Variants in SND1 observed in about 807,000 individuals in gnomAD.
SND1 encodes staphylococcal nuclease and tudor domain containing 1, also known as staphylococcal nuclease domain-containing protein 1.
In SND1, 38 loss-of-function variants were observed where a neutral mutation model predicts 121.7. The ratio of observed to expected loss-of-function variants is 0.31; its 90% confidence interval spans 0.24 to 0.41. The LOEUF (loss-of-function observed/expected upper bound fraction) is 0.41, where lower values mean the gene tolerates loss of function less well. Ranked by LOEUF, SND1 falls within the 10% of genes least tolerant of loss-of-function variation. The probability of loss-of-function intolerance (pLI) is 1.00; values close to 1 mark genes in which losing one functional copy is unlikely to be tolerated. For synonymous variants in SND1, 401 were observed against 447.4 expected, an observed-to-expected ratio of 0.90 and a Z score of 1.31; for missense variants, 868 against 1,184.6, an observed-to-expected ratio of 0.73 and a Z score of 3.92.
At chr7:127,717,992 T>C (rs1426146235) in intron 9 of SND1, among the ~76,000 whole-genome samples, 1 of 152,186 alleles carries the variant, frequency 6.6e-6, no homozygotes, top group Admixed American at 6.5e-5. Context: ...TCTGGTTTTC[T>C]TGACTCATGG....
chr7:128,060,385 G>A (rs534970933), intron 16 of SND1, among the ~76,000 whole-genome samples: 3 of 152,334 alleles, frequency 2.0e-5, no homozygotes, highest in East Asian at 3.9e-4. Flanking sequence ...TGAGATTGGT[G>A]ACATGGAAGC....
intron 1 of SND1, among the ~76,000 whole-genome samples, chr7:127,680,945 T>C (rs1226116615): frequency 6.6e-6 from 1 of 152,116 alleles, no homozygotes; most frequent in Non-Finnish European, 1.5e-5. Flanking sequence ...TAAATGTCCA[T>C]GAAATCTTCA....
intron 10 of SND1, among the ~76,000 whole-genome samples, chr7:127,784,282 C>T (rs1296554162): frequency 6.6e-6 from 1 of 152,188 alleles, no homozygotes; most frequent in Admixed American, 6.5e-5. Context: ...TTGCATTCTA[C>T]AGGTTAACGT....
intron 13 of SND1, chr7:127,904,285 C>A (rs1800290499): frequency 6.4e-6 from 1 of 155,080 alleles, no homozygotes; most frequent in Non-Finnish European, 1.4e-5. Context: ...TTGCTCCATT[C>A]AGGGCAACTT....
At chr7:128,025,696 T>C (rs1179795435) in intron 16 of SND1, among the ~76,000 whole-genome samples, 1 of 152,158 alleles carries the variant, frequency 6.6e-6, no homozygotes, top group Non-Finnish European at 1.5e-5. Context: ...AAAGGAAGGT[T>C]ACTGCTGTAA....
chr7:127,985,189 T>C (rs1802358126), intron 15 of SND1, among the ~76,000 whole-genome samples: 1 of 152,236 alleles, frequency 6.6e-6, no homozygotes, highest in Admixed American at 6.5e-5. Flanking sequence ...CTAAAAAGCA[T>C]AGCTGCCCGA....
chr7:127,859,561 G>A (rs1489835066), intron 12 of SND1, among the ~76,000 whole-genome samples: 1 of 152,132 alleles, frequency 6.6e-6, no homozygotes, highest in East Asian at 1.9e-4. Flanking sequence ...GGGGCCTTAG[G>A]TTGTGTTACA....
intron 12 of SND1, among the ~76,000 whole-genome samples, chr7:127,858,929 C>A (rs1192611673): frequency 6.6e-6 from 1 of 152,152 alleles, no homozygotes; most frequent in Non-Finnish European, 1.5e-5. Context: ...GTTTCTTCCT[C>A]TGAACAAAAC....
chr7:127,775,146 G>A (rs1353048818), intron 10 of SND1, among the ~76,000 whole-genome samples: 1 of 152,188 alleles, frequency 6.6e-6, no homozygotes, highest in Non-Finnish European at 1.5e-5. Context: ...GAATACTAGG[G>A]ATTGTCAACA....
At chr7:128,025,147 C>G (rs1165686078) in intron 16 of SND1, among the ~76,000 whole-genome samples, 1 of 152,204 alleles carries the variant, frequency 6.6e-6, no homozygotes, top group African/African-American at 2.4e-5. Context: ...CCCCTGTAGT[C>G]AGGCCTTAGA....
rs1049366953 is a variant in SND1, at chr7:127,916,661, G to T, written c.1527+11842G>T. On this transcript the variant is annotated intron_variant, in intron 14 of 23. Transcript: ENST00000354725. ...CCAAGCTGTCGGAGATAAATCAGGT[G>T]AGTATAATGTACAAATTAATAGAGA... Among the ~76,000 whole-genome samples, 4 of 152,270 alleles carry T rather than the reference G, an allele frequency of 2.6e-5. No homozygotes were observed. In the East Asian group the frequency reaches 7.7e-4, roughly 29 times the overall value.
chr7:127,871,329 T>C (rs1339836680), intron 12 of SND1, among the ~76,000 whole-genome samples: 1 of 152,210 alleles, frequency 6.6e-6, no homozygotes, highest in African/African-American at 2.4e-5. Context: ...TCCATTACCA[T>C]TACTGCCTGT....
At chr7:127,751,356 T>C (rs546700362) in intron 10 of SND1, among the ~76,000 whole-genome samples, 4 of 152,160 alleles carry the variant, frequency 2.6e-5, no homozygotes, top group Non-Finnish European at 4.4e-5. Flanking sequence ...ATTAGGACAG[T>C]GTAGTTTCAA....
At chr7:127,858,006 G>T in intron 12 of SND1, 17 of 1,457,328 alleles carry the variant, frequency 1.2e-5, no homozygotes, top group Non-Finnish European at 1.5e-5. Context: ...CATCCCCCGG[G>T]TTCTCCCACT....
At chr7:127,797,901 T>G (rs1398766418) in intron 10 of SND1, among the ~76,000 whole-genome samples, 2 of 152,220 alleles carry the variant, frequency 1.3e-5, no homozygotes, top group Non-Finnish European at 1.5e-5. Context: ...AAAGACCTCA[T>G]GCTTGGCTCC....
chr7:127,685,389 T>G (rs1480498708), intron 1 of SND1, among the ~76,000 whole-genome samples: 1 of 152,208 alleles, frequency 6.6e-6, no homozygotes, highest in Non-Finnish European at 1.5e-5. Flanking sequence ...CCCTCCAACC[T>G]TCTCACTACT....
At chr7:127,921,020 CTG>C (rs1359623271) in intron 14 of SND1, among the ~76,000 whole-genome samples, 2 of 152,130 alleles carry the variant, frequency 1.3e-5, no homozygotes, top group Non-Finnish European at 2.9e-5. Context: ...ATTTGGGAAA[CTG>C]AAAGTCATTC....
At chr7:127,778,724 G>A (rs947735240) in intron 10 of SND1, among the ~76,000 whole-genome samples, 5 of 152,180 alleles carry the variant, frequency 3.3e-5, no homozygotes, top group African/African-American at 4.8e-5. Flanking sequence ...CTCACATAGT[G>A]CTTATGCATA....
chr7:127,779,866 G>A (rs1453697397), intron 10 of SND1, among the ~76,000 whole-genome samples: 1 of 152,186 alleles, frequency 6.6e-6, no homozygotes, highest in African/African-American at 2.4e-5. Flanking sequence ...ATTATTCAAG[G>A]AGTCGGGACC....
Sources: allele counts gnomAD v4.1 joint callset (sites outside exome capture counted in the v4.1 genomes callset), GRCh38; gene constraint gnomAD v4.1.1; transcripts MANE v1.5; gene names NCBI Gene and HGNC (gene_info 2026-07-23, HGNC 2026-07-21).